The following AGBL1 variants were observed in gnomAD, a reference collection of about 807,000 sequenced individuals.
The protein encoded by AGBL1 is cytosolic carboxypeptidase 4.
In AGBL1, 130 loss-of-function variants were observed where a neutral mutation model predicts 118.9. That is an observed-to-expected ratio of 1.09 (90% CI 0.95 to 1.26). The LOEUF (loss-of-function observed/expected upper bound fraction) is 1.26, where lower values mean the gene tolerates loss of function less well. Ranked by LOEUF, AGBL1 falls within the 50% of genes most tolerant of loss-of-function variation. AGBL1 has a pLI of 0.00. For missense variants in AGBL1, 1,584 were observed against 1,298.1 expected, an observed-to-expected ratio of 1.22 and a Z score of -3.38; for synonymous variants, 555 against 478.9, an observed-to-expected ratio of 1.16 and a Z score of -2.08.
chr15:86,892,813 C>T (rs751749915), intron 22 of AGBL1, among the ~76,000 whole-genome samples: 74 of 152,128 alleles, frequency 4.9e-4, no homozygotes, highest in Non-Finnish European at 8.8e-4. Context: ...CTCAGGGACA[C>T]ACTTTGTGAT....
intron 5 of AGBL1, among the ~76,000 whole-genome samples, chr15:86,210,917 A>G (rs79389644): frequency 6.6e-6 from 1 of 152,266 alleles, no homozygotes; most frequent in Non-Finnish European, 1.5e-5. Flanking sequence ...TAGAATTTTC[A>G]GCTTTTCTGC....
intron 23 of AGBL1, among the ~76,000 whole-genome samples, chr15:86,941,625 T>A (rs150374552): frequency 3.3e-5 from 5 of 152,294 alleles, no homozygotes; most frequent in African/African-American, 9.6e-5. Flanking sequence ...TCCTGGCAGA[T>A]CTTGCTGGAA....
chr15:86,099,227 A>C (rs1896565758), intron 1 of AGBL1, among the ~76,000 whole-genome samples: 3 of 152,226 alleles, frequency 2.0e-5, no homozygotes, highest in Non-Finnish European at 2.9e-5. Context: ...ATAACTAATA[A>C]AAATCAGAAC....
At chr15:86,170,956 A>G (rs1444427935) in intron 5 of AGBL1, among the ~76,000 whole-genome samples, 1 of 152,216 alleles carries the variant, frequency 6.6e-6, no homozygotes, top group Admixed American at 6.5e-5. Context: ...AAACAAAAAT[A>G]AGAATCTAAC....
intron 21 of AGBL1, among the ~76,000 whole-genome samples, chr15:86,566,416 A>G (rs2083915357): frequency 1.3e-5 from 2 of 152,032 alleles, no homozygotes; most frequent in South Asian, 4.2e-4. Context: ...TCTTTATTTC[A>G]CCTTTCTAGA....
chr15:86,826,679 CTG>C (rs1211269209), intron 22 of AGBL1, among the ~76,000 whole-genome samples: 3 of 152,118 alleles, frequency 2.0e-5, no homozygotes, highest in African/African-American at 7.2e-5. Context: ...GGGGTCTACA[CTG>C]AGAGAGAACT....
intron 18 of AGBL1, 112 bp from the exon 19 acceptor site, chr15:86,522,698 T>C: frequency 7.4e-7 from 1 of 1,343,046 alleles, no homozygotes; most frequent in South Asian, 1.5e-5. Context: ...TGGGAAGAAA[T>C]CAGAGGAAAG....
At chr15:86,197,407 A>T (rs146290973) in intron 5 of AGBL1, among the ~76,000 whole-genome samples, 2 of 152,376 alleles carry the variant, frequency 1.3e-5, no homozygotes, top group East Asian at 3.9e-4. Flanking sequence ...AATTAGATGG[A>T]AATGAGAAAC....
chr15:86,730,422 A>G (rs760617788), intron 22 of AGBL1, among the ~76,000 whole-genome samples: 5 of 152,128 alleles, frequency 3.3e-5, no homozygotes, highest in Non-Finnish European at 4.4e-5. Flanking sequence ...AAAACTAGCA[A>G]CTCCATTAAA....
intron 17 of AGBL1, among the ~76,000 whole-genome samples, chr15:86,323,381 A>G (rs930353366): frequency 6.6e-6 from 1 of 150,892 alleles, no homozygotes; most frequent in African/African-American, 2.5e-5. Context: ...AACATTACCA[A>G]TTGAGGCAAA....
chr15:86,597,132 T>TATCCATCCATCCATCC lies in AGBL1; in HGVS notation c.2994+42623_2994+42638dup, dbSNP rs57387070. ...TTGATCTGTCTATCTAATCTACCTA[T>TATCCATCCATCCATCC]ATCCATCCATCCATCCATCCATCCA... On this transcript the variant is annotated intron_variant, in intron 21 of 22. Coordinates refer to ENST00000614907, the MANE Select transcript of AGBL1 (RefSeq NM_001386094.1). 5.2e-3 allele frequency among the ~76,000 whole-genome samples: 763 copies of TATCCATCCATCCATCC among 147,598 alleles called. 4 individuals carry two copies. The highest frequency in any genetic ancestry group is 0.015 in the African/African-American group (601 of 40,158).
chr15:86,260,384 T>C (rs1248627703), intron 9 of AGBL1, among the ~76,000 whole-genome samples: 1 of 152,152 alleles, frequency 6.6e-6, no homozygotes, highest in Non-Finnish European at 1.5e-5. Context: ...GAGTGGAAAG[T>C]AGGGTGCCAT....
intron 17 of AGBL1, among the ~76,000 whole-genome samples, chr15:86,354,538 A>G (rs72756223): frequency 4.6e-5 from 7 of 152,346 alleles, no homozygotes; most frequent in Non-Finnish European, 7.3e-5. Context: ...CGGATTTACA[A>G]ACATGTAAAA....
intron 6 of AGBL1, among the ~76,000 whole-genome samples, chr15:86,227,401 A>G (rs1277281198): frequency 6.6e-6 from 1 of 152,276 alleles, no homozygotes; most frequent in African/African-American, 2.4e-5. Context: ...CTTAATGTGT[A>G]TCAGGGTTTC....
chr15:86,985,092 T>C (rs2081268251), intron 23 of AGBL1, among the ~76,000 whole-genome samples: 1 of 152,242 alleles, frequency 6.6e-6, no homozygotes, highest in Admixed American at 6.5e-5. Context: ...TATTGCAAAA[T>C]AGTAGTACAT....
chr15:86,603,170 C>T (rs1309865328), intron 21 of AGBL1, among the ~76,000 whole-genome samples: 1 of 152,136 alleles, frequency 6.6e-6, no homozygotes, highest in Non-Finnish European at 1.5e-5. Flanking sequence ...TCTTACCCCT[C>T]AACATTTAGC....
intron 5 of AGBL1, among the ~76,000 whole-genome samples, chr15:86,199,125 A>G (rs1316477210): frequency 5.9e-5 from 9 of 152,138 alleles, no homozygotes. Context: ...TTTTTTTAAC[A>G]TTGATATTTA....
chr15:86,183,138 A>G (rs897603057), intron 5 of AGBL1, among the ~76,000 whole-genome samples: 4 of 152,170 alleles, frequency 2.6e-5, no homozygotes, highest in African/African-American at 7.2e-5. Flanking sequence ...TCCAGTGTTT[A>G]CTGGTGCCTC....
At chr15:86,780,754 C>A (rs1359470430) in intron 22 of AGBL1, among the ~76,000 whole-genome samples, 1 of 151,770 alleles carries the variant, frequency 6.6e-6, no homozygotes, top group Non-Finnish European at 1.5e-5. Flanking sequence ...ACTTCCACCT[C>A]CCGGGTTCAA....
Sources: gnomAD v4.1 joint callset for allele counts (sites outside exome capture counted in the v4.1 genomes callset) on GRCh38, gnomAD v4.1.1 for gene constraint, MANE v1.5 for transcripts, NCBI Gene and HGNC (gene_info 2026-07-23, HGNC 2026-07-21) for gene names.